Variants in ATP2B2 observed in about 807,000 individuals in gnomAD.
The protein encoded by ATP2B2 is plasma membrane calcium-transporting ATPase 2.
A neutral mutation model predicts 120.0 loss-of-function variants in ATP2B2; 15 were observed. The observed-to-expected ratio is 0.12, with a 90% CI of 0.08 to 0.19. The LOEUF is 0.19. Ranked by LOEUF, ATP2B2 falls within the 10% of genes least tolerant of loss-of-function variation. ATP2B2 has a pLI of 1.00. For synonymous variants in ATP2B2, 694 were observed against 700.3 expected (o/e 0.99, Z 0.14); for missense variants, 1,045 against 1,719.8 (o/e 0.61, Z 6.94).
chr3:10,464,423 C>A lies in ATP2B2; in HGVS notation c.-319-14561G>T, dbSNP rs543575169. 3.3e-5 allele frequency among the ~76,000 whole-genome samples: 5 copies of A among 152,252 alleles called. No homozygotes were observed. In the East Asian group the frequency reaches 7.7e-4, roughly 24 times the overall value. On this transcript the variant is annotated intron_variant, in intron 1 of 22. Coordinates refer to ENST00000360273, the MANE Select transcript of ATP2B2 (RefSeq NM_001001331.4). ...AGGCTCCAAGCCCCCCAAATAAAAGCAAGCCAGGACACGGCAGGGTATAGC... is the reference window on the plus strand; with the variant it reads ...AGGCTCCAAGCCCCCCAAATAAAAGAAAGCCAGGACACGGCAGGGTATAGC...
chr3:10,384,563 G>A (rs2061619040), intron 8 of ATP2B2, among the ~76,000 whole-genome samples: 1 of 152,158 alleles, frequency 6.6e-6, no homozygotes, highest in South Asian at 2.1e-4. Flanking sequence ...TTGCGTGTAA[G>A]GAGATTAAGA....
At chr3:10,389,306 C>T (rs145250287) in intron 5 of ATP2B2, among the ~76,000 whole-genome samples, 1,544 of 152,316 alleles carry the variant, frequency 0.01, 29 homozygotes, top group African/African-American at 0.036. Context: ...GCCTCTCCAC[C>T]ATGCAGGCTC....
At chr3:10,658,378 C>T (rs556909281) in intron 1 of ATP2B2, among the ~76,000 whole-genome samples, 66 of 152,238 alleles carry the variant, frequency 4.3e-4, no homozygotes, top group African/African-American at 1.4e-3. Flanking sequence ...ACTAGAATAA[C>T]CAGTGTAGAG....
chr3:10,465,554 T>C (rs1260408825), intron 1 of ATP2B2, among the ~76,000 whole-genome samples: 1 of 152,240 alleles, frequency 6.6e-6, no homozygotes, highest in Non-Finnish European at 1.5e-5. Flanking sequence ...TGAGACATGA[T>C]CTAGGAGAGT....
intron 3 of ATP2B2, among the ~76,000 whole-genome samples, chr3:10,407,455 C>T (rs1414251210): frequency 6.6e-6 from 1 of 152,206 alleles, no homozygotes; most frequent in Admixed American, 6.5e-5. Context: ...CTTCCTTCTG[C>T]TGACAGGGCC....
Position 10,381,976 on chromosome 3 carries a change from G to GGCTA in ATP2B2, c.1001-2693_1001-2692insTAGC, listed in dbSNP as rs60048101. Among the ~76,000 whole-genome samples, 7 of 36,240 alleles carry GGCTA rather than the reference G, an allele frequency of 1.9e-4. No individual in the cohort carries two copies. In the South Asian group the frequency reaches 0.012, roughly 63 times the overall value. 23.8% of individuals were successfully genotyped at this position (36,240 alleles called of 152,430 possible). On this transcript the variant is annotated intron_variant, in intron 8 of 22. Coordinates refer to ENST00000360273, the MANE Select transcript of ATP2B2 (RefSeq NM_001001331.4). The stretch of plus-strand genomic sequence containing the variant: ...CCTCCATTTTCTCCTCTGTGAAATG[G>GGCTA]ATATCAACTAAGGTGATGTTTATGA...
At chr3:10,649,405 T>TCTG (rs997237446) in intron 1 of ATP2B2, among the ~76,000 whole-genome samples, 3 of 151,976 alleles carry the variant, frequency 2.0e-5, no homozygotes, top group Non-Finnish European at 4.4e-5. Flanking sequence ...GCCCACAGAG[T>TCTG]CTGCCCTCTG....
intron 1 of ATP2B2, among the ~76,000 whole-genome samples, chr3:10,451,965 AG>A (rs1251853652): frequency 9.9e-5 from 15 of 152,262 alleles, no homozygotes; most frequent in African/African-American, 3.4e-4. Context: ...AAATTCTATA[AG>A]GGTTGACCAG....
chr3:10,460,368 T>C (rs1310257389), intron 1 of ATP2B2, among the ~76,000 whole-genome samples: 1 of 152,018 alleles, frequency 6.6e-6, no homozygotes, highest in African/African-American at 2.4e-5. Context: ...TGGAGGTGGG[T>C]GTTAAGGACA....
upstream of ATP2B2, among the ~76,000 whole-genome samples, chr3:10,510,120 G>A (rs1319350345): frequency 6.6e-6 from 1 of 152,172 alleles, no homozygotes; most frequent in Admixed American, 6.5e-5. Context: ...GGCTGGTCTG[G>A]TCTCTAGTCT....
At chr3:10,628,819 T>C (rs1263175064) in intron 1 of ATP2B2, among the ~76,000 whole-genome samples, 1 of 152,228 alleles carries the variant, frequency 6.6e-6, no homozygotes, top group Non-Finnish European at 1.5e-5. Context: ...TGCTGAATTG[T>C]CAAGTACTGA....
intron 1 of ATP2B2, among the ~76,000 whole-genome samples, chr3:10,658,362 T>A (rs538651985): frequency 2.6e-5 from 4 of 152,144 alleles, no homozygotes; most frequent in African/African-American, 9.7e-5. Context: ...ATTAGACGAA[T>A]GGCTAACTAG....
Position 10,512,455 on chromosome 3 carries a change from A to AGTGT in ATP2B2, c.-320+21580_-320+21583dup, listed in dbSNP as rs1354062474. ...TGCTGAGCATATTCCTGGGTGCTAA[A>AGTGT]GTGTGTGCGCACACACACACACACA... On this transcript the variant is annotated intron_variant, in intron 3 of 21. Transcript: ENST00000646379. Among the ~76,000 whole-genome samples the AGTGT allele has an allele frequency of 1.0e-3, 126 of 123,898 alleles. 2 individuals are homozygous for AGTGT. Among genetic ancestry groups the AGTGT allele is most frequent in the African/African-American group, 4.2e-3 (121 of 28,782 alleles). The allele number at this position is 123,898 out of a possible 152,430, so 81.3% of individuals were successfully genotyped here.
At position 10,328,781 on chromosome 3, in the gene ATP2B2, T is replaced by C. The variant is rs764455573; in HGVS notation, c.*33A>G. The C allele has an allele frequency of 1.9e-6, 3 of 1,576,572 alleles. No individual in the cohort carries two copies. The South Asian group carries it at 3.5e-5, about 19-fold the overall frequency. Reference sequence around the variant, plus strand: ...GGAAAGCGGGTGGCAGCGGGGTCCATGAGGGCGGGCGGGCAGGCGAGAGGG... The same window carrying C: ...GGAAAGCGGGTGGCAGCGGGGTCCACGAGGGCGGGCGGGCAGGCGAGAGGG... On this transcript the variant is annotated 3_prime_UTR_variant, in exon 23 of 23. Transcript: ENST00000360273.
At chr3:10,419,678 A>G (rs1010276257) in intron 2 of ATP2B2, among the ~76,000 whole-genome samples, 7 of 152,208 alleles carry the variant, frequency 4.6e-5, no homozygotes, top group African/African-American at 1.7e-4. Flanking sequence ...GTAGATGGTA[A>G]AGTTGCTCTA....
intron 1 of ATP2B2, among the ~76,000 whole-genome samples, chr3:10,497,239 T>A (rs1162073527): frequency 1.3e-5 from 2 of 152,190 alleles, no homozygotes; most frequent in African/African-American, 2.4e-5. Flanking sequence ...CTCCTCTCCA[T>A]GGCAAGAACT....
chr3:10,519,565 C>A (rs111751448), intron 3 of ATP2B2, among the ~76,000 whole-genome samples: 5,775 of 152,232 alleles, frequency 0.038, 221 homozygotes, highest in East Asian at 0.15. Context: ...AACTCAGTTC[C>A]TGTGTCCCCT....
rs144728283 is a variant in ATP2B2 at position 10,337,534 on chromosome 3, C to T, written c.3420+642G>A. Among the ~76,000 whole-genome samples, 9 of 152,202 alleles carry T rather than the reference C, an allele frequency of 5.9e-5. 1 individual carries two copies. The highest frequency in any genetic ancestry group is 4.1e-4 in the South Asian group (2 of 4,826). ...GGTCGGGGGAGGCGCGCAGGTGTGT[C>T]GTGTGCCACGTGGCAGCCATGCTCT... On this transcript the variant is annotated intron_variant, in intron 22 of 22. Transcript: ENST00000360273.
chr3:10,383,872 C>A (rs1258975542), intron 8 of ATP2B2, among the ~76,000 whole-genome samples: 2 of 152,300 alleles, frequency 1.3e-5, no homozygotes, highest in East Asian at 3.9e-4. Context: ...GACTGGCCAG[C>A]CTGGATGGGG....
Sources: allele counts gnomAD v4.1 joint callset (sites outside exome capture counted in the v4.1 genomes callset), GRCh38; gene constraint gnomAD v4.1.1; transcripts MANE v1.5; gene names NCBI Gene and HGNC (gene_info 2026-07-23, HGNC 2026-07-21).